DAZAP1: variants seen among roughly 807,000 people sequenced by gnomAD.
The protein encoded by DAZAP1 is DAZ-associated protein 1.
DAZAP1 carries 6 observed loss-of-function variants against 60.1 expected under a neutral mutation model. That is an observed-to-expected ratio of 0.10 (90% CI 0.05 to 0.20). DAZAP1 has a LOEUF of 0.20. DAZAP1 is among the 10% of genes least tolerant of loss of function. The pLI is 1.00. For missense variants in DAZAP1, 366 were observed against 560.4 expected (o/e 0.65, Z 3.50); for synonymous variants, 235 against 215.9 (o/e 1.09, Z -0.78).
rs1353915780 is a variant in DAZAP1 at position 1,425,205 on chromosome 19, C to T, written c.464-673C>T. On this transcript the variant is annotated intron_variant, in intron 6 of 11. Transcript: ENST00000233078. This position sits in a 1 kb window ranked among gnomAD's most constrained non-coding sequence, Gnocchi z 5.4. The stretch of plus-strand genomic sequence containing the variant: ...GTCTACGATATGACCTCTTCTAGGA[C>T]TCCTTGGGCTTACCCAACGGTGTTG... Among the ~76,000 whole-genome samples the T allele has an allele frequency of 1.3e-5, 2 of 152,216 alleles. No individual in the cohort carries two copies. Among genetic ancestry groups the T allele is most frequent in the African/African-American group, 2.4e-5 (1 of 41,452 alleles).
chr19:1,415,223 T>G (rs1265191934), intron 1 of DAZAP1, among the ~76,000 whole-genome samples: 1 of 151,106 alleles, frequency 6.6e-6, no homozygotes, highest in African/African-American at 2.4e-5. Flanking sequence ...GCCAGTGAGG[T>G]GGGGGTGGAG....
rs2083041951 is a variant in DAZAP1 at position 1,418,128 on chromosome 19, T to G, written c.71-76T>G. 2.0e-6 allele frequency: 3 copies of G among 1,506,366 alleles called. No homozygotes were observed. Among genetic ancestry groups the G allele is most frequent in the Admixed American group, 3.4e-5 (2 of 58,600 alleles). The allele number at this position is 1,506,366 out of a possible 1,614,324, so 93.3% of individuals were successfully genotyped here. On this transcript the variant is annotated intron_variant, in intron 2 of 11. Transcript: ENST00000233078. The surrounding 1 kb of genome is among the most constrained non-coding windows in gnomAD (Gnocchi z 5.7). The stretch of plus-strand genomic sequence containing the variant: ...GGCTGGTGGACTGGAGGAGTGTGCG[T>G]GCCGGCAGCACTGCCAGGCACGTGC...
At chr19:1,420,477 G>T (rs904903864) in intron 4 of DAZAP1, among the ~76,000 whole-genome samples, 1 of 151,440 alleles carries the variant, frequency 6.6e-6, no homozygotes, top group African/African-American at 2.4e-5. Context: ...TGATAGCCTT[G>T]GATAGGGAAA....
In DAZAP1 at chr19:1,432,679, A is replaced by G. The variant is rs140947604; in HGVS notation, c.1037A>G (p.Tyr346Cys). ...CCGACAGCTCAGCCAGACTTCCCCT[A>G]TGGTCAGTATGGTAAGTGGTCTCCT... ...KPPTAQPDFPYGQYAGYGQDL... is the reference protein window; with the variant it reads ...KPPTAQPDFPCGQYAGYGQDL... Residue 346 changes from tyrosine (Y) to cysteine (C), a missense_variant, in exon 11 of 12, where the codon TAT becomes TGT. By Grantham distance (194) the Tyr-to-Cys change is radical. Coordinates refer to ENST00000233078, the MANE Select transcript of DAZAP1 (RefSeq NM_018959.4). This position sits in a 1 kb window ranked among gnomAD's most constrained non-coding sequence, Gnocchi z 4.9. 4 of 1,603,748 alleles carry G rather than the reference A, an allele frequency of 2.5e-6. No homozygotes were observed. The highest frequency in any genetic ancestry group is 2.6e-6 in the Non-Finnish European group (3 of 1,174,802).
intron 4 of DAZAP1, among the ~76,000 whole-genome samples, chr19:1,419,548 G>A (rs577178949): frequency 3.3e-5 from 5 of 152,324 alleles, no homozygotes; most frequent in African/African-American, 4.8e-5. Context: ...AGGGAATCCC[G>A]TGTCATCTGT....
chr19:1,424,058 AGACGGGTCT>A (rs560299958), intron 6 of DAZAP1, among the ~76,000 whole-genome samples: 90 of 152,092 alleles, frequency 5.9e-4, no homozygotes, highest in African/African-American at 2.0e-3. Context: ...GCATCTTCTG[AGACGGGTCT>A]GTGTCCCCCT....
Position 1,434,301 on chromosome 19 carries a change from C to T in DAZAP1, c.1049-436C>T, listed in dbSNP as rs111671698. Reference sequence around the variant, plus strand: ...GGACAACGTGGGGTCTGGTCTGCGACGGAGGGGCAGGCCCTGTATCGCTGC... The same window carrying T: ...GGACAACGTGGGGTCTGGTCTGCGATGGAGGGGCAGGCCCTGTATCGCTGC... On this transcript the variant is annotated intron_variant, in intron 11 of 11. Coordinates refer to ENST00000233078, the MANE Select transcript of DAZAP1 (RefSeq NM_018959.4). This position sits in a 1 kb window ranked among gnomAD's most constrained non-coding sequence, Gnocchi z 8.0. The T allele has an allele frequency of 1.5e-4, 30 of 202,962 alleles. No homozygotes were observed. Among genetic ancestry groups the T allele is most frequent in the African/African-American group, 5.2e-4 (22 of 42,548 alleles). The allele number at this position is 202,962 out of a possible 1,614,324, so 12.6% of individuals were successfully genotyped here.
At chr19:1,409,366 G>A (rs2144681309) in intron 1 of DAZAP1, among the ~76,000 whole-genome samples, 1 of 152,366 alleles carries the variant, frequency 6.6e-6, no homozygotes, top group East Asian at 1.9e-4. Flanking sequence ...CTGTGAGGAG[G>A]CTGGAGAGAG....
Position 1,425,322 on chromosome 19 carries a change from C to A in DAZAP1, c.464-556C>A, listed in dbSNP as rs2083279514. Among the ~76,000 whole-genome samples, 2 of 152,202 alleles carry A rather than the reference C, an allele frequency of 1.3e-5. No homozygotes were observed. Among genetic ancestry groups the A allele is most frequent in the Non-Finnish European group, 2.9e-5 (2 of 68,036 alleles). ...GCTGCTGTCAGCACTAGCTGCAAAG[C>A]AAATTGCAAGCCAAGGGGGAGAATC... On this transcript the variant is annotated intron_variant, in intron 6 of 11. Transcript: ENST00000233078. This position sits in a 1 kb window ranked among gnomAD's most constrained non-coding sequence, Gnocchi z 5.4.
In DAZAP1 at chr19:1,432,437, GCTGGGTGTGGGTCTCCTGCTGGT is replaced by G. The variant is rs1185033436; in HGVS notation, c.872-73_872-51del. 2.1e-5 allele frequency: 31 copies of G among 1,506,780 alleles called. No homozygotes were observed. The highest frequency in any genetic ancestry group is 2.8e-5 in the Non-Finnish European group (31 of 1,088,656). 93.3% of individuals were successfully genotyped at this position (1,506,780 alleles called of 1,614,324 possible). A position where few individuals can be genotyped will look rare whatever the true frequency, so the allele number is the denominator to read the frequency against. On this transcript the variant is annotated intron_variant, in intron 10 of 11. Transcript: ENST00000233078. This position sits in a 1 kb window ranked among gnomAD's most constrained non-coding sequence, Gnocchi z 4.9. ...GTCCCGTCTGGGCAGCTCCTGCTGG[GCTGGGTGTGGGTCTCCTGCTGGT>G]CTGCCCCCAGCTGCACAACGTGTCT... is the stretch of plus-strand genomic sequence containing the variant.
chr19:1,423,988 C>T lies in DAZAP1; in HGVS notation c.463+1592C>T, dbSNP rs535842861. On this transcript the variant is annotated intron_variant, in intron 6 of 11. Coordinates refer to ENST00000233078, the MANE Select transcript of DAZAP1 (RefSeq NM_018959.4). This position sits in a 1 kb window ranked among gnomAD's most constrained non-coding sequence, Gnocchi z 6.8. ...TCAGGCGAGTGGAGGGCCGGAGAGA[C>T]GCTGCGGCGCTGCTTAGCGGGTCCT... Among the ~76,000 whole-genome samples the T allele has an allele frequency of 2.1e-4, 32 of 152,312 alleles. No homozygotes were observed. The East Asian group carries it at 2.7e-3, about 13-fold the overall frequency.
chr19:1,415,299 T>C (rs892390563), intron 1 of DAZAP1, among the ~76,000 whole-genome samples: 2 of 151,110 alleles, frequency 1.3e-5, no homozygotes, highest in African/African-American at 2.4e-5. Context: ...CAGTGCTGAC[T>C]ACAGGCTGCT....
Position 1,432,508 on chromosome 19 carries a change from C to T in DAZAP1, c.872-6C>T, listed in dbSNP as rs567638739. ...TCTTGTGCCTTGCCCTCTTGTACCT[C>T]TGCAGGTTTTGGCTACGGGCCTCCA... is the stretch of plus-strand genomic sequence containing the variant. On this transcript the variant is annotated splice_region_variant and splice_polypyrimidine_tract_variant and intron_variant, in intron 10 of 11. Transcript: ENST00000233078. This position sits in a 1 kb window ranked among gnomAD's most constrained non-coding sequence, Gnocchi z 4.9. 90 of 1,613,652 alleles carry T rather than the reference C, an allele frequency of 5.6e-5. No homozygotes were observed. Among genetic ancestry groups the T allele is most frequent in the Non-Finnish European group, 7.5e-5 (89 of 1,179,970 alleles).
chr19:1,434,185 C>T lies in DAZAP1; in HGVS notation c.1049-552C>T, dbSNP rs2083533081. The T allele has an allele frequency of 7.6e-6, 2 of 264,798 alleles. No individual in the cohort carries two copies. The highest frequency in any genetic ancestry group is 1.5e-5 in the Non-Finnish European group (2 of 136,680). The allele number at this position is 264,798 out of a possible 1,614,324, so 16.4% of individuals were successfully genotyped here. On this transcript the variant is annotated intron_variant, in intron 11 of 11. Coordinates refer to ENST00000233078, the MANE Select transcript of DAZAP1 (RefSeq NM_018959.4). The surrounding 1 kb of genome is among the most constrained non-coding windows in gnomAD (Gnocchi z 8.0). ...CCGGACGGGCTGCAGGGTGTGCTGG[C>T]CCCTCAGCCAGTGGTGTCACTGGGG...
In DAZAP1 at chr19:1,434,519, TTC is replaced by T. The variant is rs1167631109; in HGVS notation, c.1049-214_1049-213del. The T allele has an allele frequency of 3.8e-6, 2 of 525,830 alleles. No homozygotes were observed. Among genetic ancestry groups the T allele is most frequent in the South Asian group, 2.3e-5 (1 of 43,216 alleles). The allele number at this position is 525,830 out of a possible 1,614,324, so 32.6% of individuals were successfully genotyped here. A position where few individuals can be genotyped will look rare whatever the true frequency, so the allele number is the denominator to read the frequency against. ...CCATGGAGGGCTCTGGAAGCCGCTT[TTC>T]TCTGTGTGTGCCCCTGCTCACATGT... On this transcript the variant is annotated intron_variant, in intron 11 of 11. Transcript: ENST00000233078. This position sits in a 1 kb window ranked among gnomAD's most constrained non-coding sequence, Gnocchi z 8.0.
At position 1,422,771 on chromosome 19, in the gene DAZAP1, C is replaced by T. The variant is rs542562768; in HGVS notation, c.463+375C>T. The stretch of plus-strand genomic sequence containing the variant: ...CATTTCGTGTCGTCAGCTGGGTCAG[C>T]TGGCTCGGTGTGGAGTTTGGATTTT... On this transcript the variant is annotated intron_variant, in intron 6 of 11. Transcript: ENST00000233078. The surrounding 1 kb of genome is among the most constrained non-coding windows in gnomAD (Gnocchi z 4.5). Among the ~76,000 whole-genome samples the T allele has an allele frequency of 3.3e-4, 51 of 152,306 alleles. No individual in the cohort carries two copies. Among genetic ancestry groups the T allele is most frequent in the Non-Finnish European group, 2.2e-4 (15 of 68,022 alleles).
intron 10 of DAZAP1, among the ~76,000 whole-genome samples, chr19:1,431,587 G>A (rs1441306338): frequency 4.6e-5 from 7 of 152,094 alleles, no homozygotes; most frequent in African/African-American, 7.2e-5. Flanking sequence ...CTGCCACCAC[G>A]CCCGGCTAAT....
chr19:1,414,614 T>C (rs2082920854), intron 1 of DAZAP1, among the ~76,000 whole-genome samples: 1 of 151,786 alleles, frequency 6.6e-6, no homozygotes, highest in African/African-American at 2.4e-5. Flanking sequence ...CGGGCGCCTG[T>C]AGTCCCAGCT....
At chr19:1,415,390 T>TGTG (rs757259175) in intron 1 of DAZAP1, among the ~76,000 whole-genome samples, 92 of 125,814 alleles carry the variant, frequency 7.3e-4, no homozygotes, top group African/African-American at 1.1e-3. Context: ...TGTGTGTGTG[T>TGTG]TTTGTTTTTT....
Sources: allele counts gnomAD v4.1 joint callset (sites outside exome capture counted in the v4.1 genomes callset), GRCh38; gene constraint gnomAD v4.1.1; non-coding constraint Gnocchi (gnomAD v3.1); transcripts MANE v1.5; gene names NCBI Gene and HGNC (gene_info 2026-07-23, HGNC 2026-07-21).